ARHGAP29: variants seen among roughly 807,000 people sequenced by gnomAD.
The protein encoded by ARHGAP29 is rho GTPase-activating protein 29.
ARHGAP29 carries 43 observed loss-of-function variants against 122.6 expected under a neutral mutation model. The observed-to-expected ratio is 0.35, with a 90% CI of 0.27 to 0.45. ARHGAP29 has a LOEUF of 0.45. Ranked by LOEUF, ARHGAP29 falls within the 20% of genes least tolerant of loss-of-function variation. The pLI, the probability that ARHGAP29 is intolerant of heterozygous loss-of-function variation, is 1.00. For missense variants in ARHGAP29, 1,303 were observed against 1,477.2 expected, an observed-to-expected ratio of 0.88 and a Z score of 1.93; for synonymous variants, 506 against 497.1, an observed-to-expected ratio of 1.02 and a Z score of -0.24.
upstream of ARHGAP29, among the ~76,000 whole-genome samples, chr1:94,277,312 T>C (rs548656380): frequency 3.0e-4 from 46 of 152,290 alleles, no homozygotes; most frequent in South Asian, 9.3e-3. Flanking sequence ...GAGTTAAATA[T>C]GCAGAGGGAG....
chr1:94,283,667 T>A, the ARHGAP29 span, among the ~76,000 whole-genome samples: 19 of 152,178 alleles, frequency 1.2e-4, no homozygotes, highest in Non-Finnish European at 2.2e-4. Flanking sequence ...GGAAGCAATA[T>A]TACCAGGATC....
chr1:94,227,697 C>T (rs1652685951), intron 2 of ARHGAP29, among the ~76,000 whole-genome samples: 1 of 151,694 alleles, frequency 6.6e-6, no homozygotes, highest in Admixed American at 6.6e-5. Context: ...GTCACAATGG[C>T]AGACTTTAAA....
upstream of ARHGAP29, among the ~76,000 whole-genome samples, chr1:94,279,937 G>A (rs1317633699): frequency 2.6e-5 from 4 of 152,004 alleles, no homozygotes; most frequent in Non-Finnish European, 5.9e-5. Flanking sequence ...CTCCCTTCCT[G>A]CTAGTGCCCG....
In ARHGAP29 at chr1:94,178,158, A is replaced by G. The variant is rs1649227624; in HGVS notation, c.2490T>C (p.Asp830=). 2.5e-6 allele frequency: 4 copies of G among 1,612,952 alleles called. No individual in the cohort carries two copies. The highest frequency in any genetic ancestry group is 3.4e-6 in the Non-Finnish European group (4 of 1,179,430). Residue 830 remains aspartate, a synonymous_variant, in exon 21 of 23, where the codon GAT becomes GAC. Transcript: ENST00000260526. ...FLIVHLKRVV[D]HAEENKMNSK... ...AGTTCATCTTGTTTTCTTCTGCATG[A>G]TCTACTACCCTGCAAAGTAGAACAC...
intron 19 of ARHGAP29, 99 bp downstream of exon 19, chr1:94,184,052 C>T: frequency 2.3e-6 from 3 of 1,312,558 alleles, no homozygotes; most frequent in Non-Finnish European, 3.2e-6. Flanking sequence ...CCGTCTATGC[C>T]AATGAAAAAA....
chr1:94,245,538 T>C (rs930336459), intron 1 of ARHGAP29, among the ~76,000 whole-genome samples: 3 of 152,194 alleles, frequency 2.0e-5, no homozygotes, highest in African/African-American at 7.2e-5. Flanking sequence ...TAATCTTAAA[T>C]GACAAAAGAA....
At chr1:94,181,794 T>C (rs995291536) in intron 19 of ARHGAP29, among the ~76,000 whole-genome samples, 1 of 152,342 alleles carries the variant, frequency 6.6e-6, no homozygotes, top group African/African-American at 2.4e-5. Context: ...GCTATTAATA[T>C]GGTGGCCACA....
the ARHGAP29 span, among the ~76,000 whole-genome samples, chr1:94,284,425 T>C: frequency 1.2e-4 from 18 of 152,318 alleles, no homozygotes; most frequent in African/African-American, 4.1e-4. Context: ...GATCACATAG[T>C]GTAGTAGATT....
chr1:94,203,350 G>T, intron 8 of ARHGAP29, 140 bp from the exon 9 acceptor site: 1 of 547,566 alleles, frequency 1.8e-6, no homozygotes, highest in Non-Finnish European at 3.1e-6. Flanking sequence ...ACATGACTAT[G>T]AGAAAAATAT....
intron 19 of ARHGAP29, among the ~76,000 whole-genome samples, chr1:94,180,394 T>C (rs1296995739): frequency 6.6e-6 from 1 of 152,166 alleles, no homozygotes; most frequent in African/African-American, 2.4e-5. Flanking sequence ...AAGAAGACAC[T>C]GTTAACATTT....
chr1:94,173,696 AACATTCT>A lies in ARHGAP29; in HGVS notation c.*166_*172del. 1 of 714,660 alleles carries A rather than the reference AACATTCT, an allele frequency of 1.4e-6. No individual in the cohort carries two copies. Among genetic ancestry groups the A allele is most frequent in the Non-Finnish European group, 2.2e-6 (1 of 452,656 alleles). The allele number at this position is 714,660 out of a possible 1,614,324, so 44.3% of individuals were successfully genotyped here. A position where few individuals can be genotyped will look rare whatever the true frequency, so the allele number is the denominator to read the frequency against. On this transcript the variant is annotated 3_prime_UTR_variant, in exon 23 of 23. Transcript: ENST00000260526. ...TGAGGCACAAATGTGACCCTATCAA[AACATTCT>A]ACCATTCAGTATTACCAACAGAGGA...
At chr1:94,189,074 T>C (rs1649979048) in intron 14 of ARHGAP29, 133 bp from the exon 15 acceptor site, 5 of 1,332,478 alleles carry the variant, frequency 3.8e-6, no homozygotes, top group Non-Finnish European at 5.2e-6. Flanking sequence ...ACAGGCACCA[T>C]GGTAACAACT....
chr1:94,281,948 G>A, the ARHGAP29 span, among the ~76,000 whole-genome samples: 1 of 152,040 alleles, frequency 6.6e-6, no homozygotes, highest in South Asian at 2.1e-4. Flanking sequence ...TATCTACCAC[G>A]GCATGCTGTA....
intron 3 of ARHGAP29, among the ~76,000 whole-genome samples, chr1:94,212,511 A>T (rs1570549260): frequency 6.6e-6 from 1 of 152,330 alleles, no homozygotes; most frequent in Non-Finnish European, 1.5e-5. Context: ...TCCTACTTGT[A>T]TTTCCTAACT....
Position 94,173,210 on chromosome 1 carries a change from T to G in ARHGAP29, c.*659A>C, listed in dbSNP as rs1158969148. ...TATATAATTTAGAAACAGGTTTAAG[T>G]GCATTTTCTTTGTACAACTGACTAT... On this transcript the variant is annotated 3_prime_UTR_variant, in exon 23 of 23. Coordinates refer to ENST00000260526, the MANE Select transcript of ARHGAP29 (RefSeq NM_004815.4). The G allele has an allele frequency of 6.6e-6, 1 of 152,628 alleles. No individual in the cohort carries two copies. The highest frequency in any genetic ancestry group is 6.5e-5 in the Admixed American group (1 of 15,276). The allele number at this position is 152,628 out of a possible 1,614,324, so 9.5% of individuals were successfully genotyped here. A position where few individuals can be genotyped will look rare whatever the true frequency, so the allele number is the denominator to read the frequency against.
chr1:94,176,574 C>G (rs1043082871), intron 22 of ARHGAP29: 1 of 151,726 alleles, frequency 6.6e-6, no homozygotes, highest in South Asian at 2.1e-4. Context: ...GTGCTTAGCA[C>G]AGAACAGGCA....
intron 1 of ARHGAP29, among the ~76,000 whole-genome samples, chr1:94,243,420 G>A (rs888658228): frequency 6.6e-6 from 1 of 151,958 alleles, no homozygotes; most frequent in Admixed American, 6.6e-5. Flanking sequence ...CCAAATATTT[G>A]TAAATTATAA....
At chr1:94,203,895 T>C in intron 8 of ARHGAP29, 35 bp downstream of exon 8, 2 of 1,594,198 alleles carry the variant, frequency 1.3e-6, no homozygotes, top group Non-Finnish European at 1.7e-6. Context: ...AGTAGTTTCT[T>C]ATTATAGAAC....
At chr1:94,205,283 A>G in intron 6 of ARHGAP29, 85 bp from the exon 7 acceptor site, 1 of 1,106,040 alleles carries the variant, frequency 9.0e-7, no homozygotes, top group East Asian at 2.9e-5. Context: ...ATCCTAAGAT[A>G]CTAGTCAATA....
Sources: gnomAD v4.1 joint callset for allele counts (sites outside exome capture counted in the v4.1 genomes callset) on GRCh38, gnomAD v4.1.1 for gene constraint, MANE v1.5 for transcripts, NCBI Gene and HGNC (gene_info 2026-07-23, HGNC 2026-07-21) for gene names.